Variants in MYRIP observed in about 807,000 individuals in gnomAD.
The protein encoded by MYRIP is myosin VIIA and Rab interacting protein.
Under a neutral mutation model 98.0 loss-of-function variants are expected in MYRIP, and 49 were observed. The ratio of observed to expected loss-of-function variants is 0.50; its 90% confidence interval spans 0.40 to 0.63. MYRIP has a LOEUF of 0.63. Among genes scored for constraint, MYRIP ranks in the 30% least tolerant of loss-of-function variants. The pLI is 0.00. For synonymous variants in MYRIP, 404 were observed against 409.5 expected, an observed-to-expected ratio of 0.99 and a Z score of 0.16; for missense variants, 1,004 against 1,058.2, an observed-to-expected ratio of 0.95 and a Z score of 0.71.
intron 2 of MYRIP, among the ~76,000 whole-genome samples, chr3:40,019,818 T>C (rs756599232): frequency 1.3e-5 from 2 of 152,086 alleles, no homozygotes; most frequent in African/African-American, 2.4e-5. Flanking sequence ...TGCAAGTGAT[T>C]CAAATTAATG....
intron 2 of MYRIP, among the ~76,000 whole-genome samples, chr3:39,995,449 C>G (rs1175280700): frequency 6.6e-6 from 1 of 151,968 alleles, no homozygotes; most frequent in Non-Finnish European, 1.5e-5. Context: ...GATGGAAGAT[C>G]AAATGAATGA....
At chr3:39,877,185 A>G (rs913584788) in intron 1 of MYRIP, among the ~76,000 whole-genome samples, 1 of 152,078 alleles carries the variant, frequency 6.6e-6, no homozygotes, top group Non-Finnish European at 1.5e-5. Context: ...CTTGGTTTTC[A>G]GCTCCACCAG....
At chr3:40,009,763 T>C (rs1376965819) in intron 2 of MYRIP, among the ~76,000 whole-genome samples, 1 of 152,234 alleles carries the variant, frequency 6.6e-6, no homozygotes, top group Non-Finnish European at 1.5e-5. Context: ...ACTAATGCAA[T>C]GATAAAACAG....
intron 8 of MYRIP, among the ~76,000 whole-genome samples, 195 bp downstream of exon 8, chr3:40,170,288 CT>C (rs1200044066): frequency 6.6e-6 from 1 of 152,128 alleles, no homozygotes; most frequent in Admixed American, 6.5e-5. Flanking sequence ...CACAAATGGT[CT>C]ATTGATAATT....
chr3:39,925,574 A>G (rs1334220717), intron 2 of MYRIP, among the ~76,000 whole-genome samples: 1 of 152,054 alleles, frequency 6.6e-6, no homozygotes, highest in Admixed American at 6.6e-5. Context: ...AAGTGAGAAC[A>G]TGTGGTATTT....
intron 2 of MYRIP, among the ~76,000 whole-genome samples, chr3:39,969,244 AG>A (rs1377608312): frequency 6.6e-6 from 1 of 152,134 alleles, no homozygotes; most frequent in African/African-American, 2.4e-5. Context: ...GGGATTTTCT[AG>A]ACATAGAATC....
intron 3 of MYRIP, among the ~76,000 whole-genome samples, chr3:40,114,253 T>C (rs78836573): frequency 0.028 from 4,215 of 152,310 alleles, 90 homozygotes; most frequent in Non-Finnish European, 0.038. Context: ...ACTTACATTA[T>C]GTACAGTTGC....
intron 1 of MYRIP, among the ~76,000 whole-genome samples, chr3:39,815,407 G>A (rs1344391766): frequency 6.6e-6 from 1 of 152,008 alleles, no homozygotes; most frequent in Non-Finnish European, 1.5e-5. Flanking sequence ...ATATGTGTGT[G>A]TGTGTGTATG....
At chr3:39,919,347 G>A (rs1642899537) in intron 2 of MYRIP, among the ~76,000 whole-genome samples, 1 of 152,214 alleles carries the variant, frequency 6.6e-6, no homozygotes, top group Admixed American at 6.5e-5. Flanking sequence ...AGGTCAGACT[G>A]CAAGGTCCTA....
At chr3:40,157,255 T>G (rs1217938966) in intron 4 of MYRIP, among the ~76,000 whole-genome samples, 3 of 147,436 alleles carry the variant, frequency 2.0e-5, no homozygotes, top group Non-Finnish European at 3.0e-5. Context: ...GAGATAATCA[T>G]GTGGTTTTTG....
At chr3:40,224,093 G>A (rs915659516) in intron 11 of MYRIP, among the ~76,000 whole-genome samples, 6 of 152,278 alleles carry the variant, frequency 3.9e-5, no homozygotes, top group East Asian at 1.9e-4. Flanking sequence ...TGTGGCCAAG[G>A]GAAAAGCGGC....
At chr3:39,899,965 C>T (rs938229305) in intron 1 of MYRIP, among the ~76,000 whole-genome samples, 4 of 152,088 alleles carry the variant, frequency 2.6e-5, no homozygotes, top group African/African-American at 9.7e-5. Context: ...GGACTACAGG[C>T]GACGCTCACC....
intron 4 of MYRIP, among the ~76,000 whole-genome samples, chr3:40,160,316 G>A (rs1381810720): frequency 1.3e-5 from 2 of 152,208 alleles, no homozygotes; most frequent in East Asian, 1.9e-4. Context: ...GGGGATCAGG[G>A]GTCAGGGACC....
chr3:39,886,892 T>C (rs1177938668), intron 1 of MYRIP, among the ~76,000 whole-genome samples: 1 of 152,074 alleles, frequency 6.6e-6, no homozygotes, highest in Admixed American at 6.6e-5. Flanking sequence ...ATACATTGTT[T>C]TCAGCACCAC....
At chr3:39,989,689 A>G (rs888395227) in intron 2 of MYRIP, among the ~76,000 whole-genome samples, 1 of 152,200 alleles carries the variant, frequency 6.6e-6, no homozygotes, top group Non-Finnish European at 1.5e-5. Flanking sequence ...CAGGGAGATC[A>G]GAGTTCTGTC....
intron 1 of MYRIP, among the ~76,000 whole-genome samples, chr3:39,899,268 T>C (rs945908490): frequency 7.9e-5 from 12 of 152,320 alleles, no homozygotes; most frequent in African/African-American, 2.6e-4. Flanking sequence ...CAACATTATG[T>C]TAAGATTTAT....
chr3:39,987,087 C>CT (rs2125767061), intron 2 of MYRIP, among the ~76,000 whole-genome samples: 1 of 152,196 alleles, frequency 6.6e-6, no homozygotes, highest in Admixed American at 6.5e-5. Context: ...TTTGCTGCAC[C>CT]TATCAACCCA....
At chr3:40,188,081 T>C (rs1397072566) in intron 9 of MYRIP, among the ~76,000 whole-genome samples, 2 of 152,114 alleles carry the variant, frequency 1.3e-5, no homozygotes, top group African/African-American at 4.8e-5. Context: ...AAAATAAAAA[T>C]AACTCGATGT....
At chr3:39,820,714 T>C (rs1032696652) in intron 1 of MYRIP, among the ~76,000 whole-genome samples, 6 of 152,240 alleles carry the variant, frequency 3.9e-5, no homozygotes, top group African/African-American at 1.4e-4. Context: ...TTTCATTGTT[T>C]TAATCCTTGT....
Sources: allele counts gnomAD v4.1 joint callset (sites outside exome capture counted in the v4.1 genomes callset), GRCh38; gene constraint gnomAD v4.1.1; transcripts MANE v1.5; gene names NCBI Gene and HGNC (gene_info 2026-07-23, HGNC 2026-07-21).